Variants in SNTG2 observed in about 807,000 individuals in gnomAD.
SNTG2 encodes gamma-2-syntrophin.
In SNTG2, 74 loss-of-function variants were observed where a neutral mutation model predicts 70.9. That is an observed-to-expected ratio of 1.04 (90% confidence interval 0.86 to 1.27). The LOEUF (loss-of-function observed/expected upper bound fraction) is 1.27, where lower values mean the gene tolerates loss of function less well. Ranked by LOEUF, SNTG2 falls within the 50% of genes most tolerant of loss-of-function variation. The pLI, the probability that SNTG2 is intolerant of heterozygous loss-of-function variation, is 0.00. For synonymous variants in SNTG2, 278 were observed against 273.8 expected, an observed-to-expected ratio of 1.02 and a Z score of -0.15; for missense variants, 717 against 690.7, an observed-to-expected ratio of 1.04 and a Z score of -0.43.
chr2:1,269,838 G>C (rs914609860), intron 14 of SNTG2, among the ~76,000 whole-genome samples: 6 of 152,150 alleles, frequency 3.9e-5, no homozygotes, highest in Non-Finnish European at 7.3e-5. Context: ...GAGGCAATGA[G>C]GGTGTTAACA....
rs1357036669 is a variant in SNTG2 at position 1,317,133 on chromosome 2, G to T, written c.1488+758G>T. The stretch of plus-strand genomic sequence containing the variant: ...GAGAAGGTTGGGATTCTGGAGCATT[G>T]AGCATCAGGCCAGCATTGGAGAAGG... On this transcript the variant is annotated intron_variant, in intron 16 of 16. Coordinates refer to ENST00000308624, the MANE Select transcript of SNTG2 (RefSeq NM_018968.4). 4.3e-3 allele frequency among the ~76,000 whole-genome samples: 225 copies of T among 52,674 alleles called. 1 individual carries two copies. The highest frequency in any genetic ancestry group is 9.5e-3 in the South Asian group (12 of 1,258). 34.6% of individuals were successfully genotyped at this position (52,674 alleles called of 152,430 possible).
intron 7 of SNTG2, among the ~76,000 whole-genome samples, chr2:1,171,273 C>T (rs765152979): frequency 1.3e-5 from 2 of 152,144 alleles, no homozygotes; most frequent in Non-Finnish European, 2.9e-5. Context: ...AGAGTGGAAG[C>T]GTGACTGTCA....
chr2:1,044,180 G>T (rs1474585137), intron 1 of SNTG2, among the ~76,000 whole-genome samples: 1 of 151,706 alleles, frequency 6.6e-6, no homozygotes, highest in Non-Finnish European at 1.5e-5. Flanking sequence ...TTGTTTTTGT[G>T]GCTGTTGTGA....
chr2:1,311,494 G>A (rs924766257), intron 15 of SNTG2, among the ~76,000 whole-genome samples: 2 of 152,328 alleles, frequency 1.3e-5, no homozygotes, highest in East Asian at 1.9e-4. Flanking sequence ...CCAATGGGTT[G>A]TAAATTCATA....
intron 14 of SNTG2, among the ~76,000 whole-genome samples, chr2:1,296,684 A>T (rs1267192609): frequency 2.0e-5 from 3 of 152,188 alleles, no homozygotes; most frequent in Non-Finnish European, 4.4e-5. Context: ...CCCTGGAATG[A>T]CAGTCCCTGA....
chr2:1,065,308 G>A (rs759283938), intron 1 of SNTG2, among the ~76,000 whole-genome samples: 6 of 152,028 alleles, frequency 3.9e-5, no homozygotes, highest in Non-Finnish European at 5.9e-5. Context: ...TGTTCTAGGT[G>A]GGTGACCATA....
chr2:1,220,750 G>C (rs1218533579), intron 9 of SNTG2, among the ~76,000 whole-genome samples: 1 of 152,214 alleles, frequency 6.6e-6, no homozygotes, highest in Admixed American at 6.5e-5. Context: ...AAGGGCAGGG[G>C]CCACGTGTTT....
chr2:1,340,392 G>A (rs1660026017), intron 16 of SNTG2, among the ~76,000 whole-genome samples: 1 of 152,168 alleles, frequency 6.6e-6, no homozygotes, highest in African/African-American at 2.4e-5. Flanking sequence ...GGATAGAAAG[G>A]GCAAACATTT....
intron 1 of SNTG2, among the ~76,000 whole-genome samples, chr2:997,825 A>G (rs947631430): frequency 1.3e-5 from 2 of 152,192 alleles, no homozygotes; most frequent in African/African-American, 4.8e-5. Flanking sequence ...CCCTTCTGCT[A>G]CCACCACAAC....
At chr2:978,461 A>T (rs929508444) in intron 1 of SNTG2, among the ~76,000 whole-genome samples, 2 of 152,202 alleles carry the variant, frequency 1.3e-5, no homozygotes, top group African/African-American at 4.8e-5. Context: ...ACATATCTCA[A>T]AAATTAAATA....
At chr2:1,172,341 C>T (rs1221381907) in intron 7 of SNTG2, among the ~76,000 whole-genome samples, 1 of 152,206 alleles carries the variant, frequency 6.6e-6, no homozygotes, top group Non-Finnish European at 1.5e-5. Flanking sequence ...GTTCACAGAT[C>T]TGTCTTTACG....
At chr2:1,152,347 G>A (rs1669553837) in intron 6 of SNTG2, among the ~76,000 whole-genome samples, 1 of 152,238 alleles carries the variant, frequency 6.6e-6, no homozygotes. Flanking sequence ...GGGTACACAT[G>A]TGTATACATG....
At chr2:1,053,045 T>G (rs1194174267) in intron 1 of SNTG2, among the ~76,000 whole-genome samples, 1 of 152,216 alleles carries the variant, frequency 6.6e-6, no homozygotes, top group Non-Finnish European at 1.5e-5. Flanking sequence ...TTGCCACATA[T>G]GTGAAAATAA....
At chr2:1,264,841 G>C (rs936302549) in intron 13 of SNTG2, among the ~76,000 whole-genome samples, 1 of 152,196 alleles carries the variant, frequency 6.6e-6, no homozygotes, top group Non-Finnish European at 1.5e-5. Context: ...GATTACAGGT[G>C]TAAGCCACTG....
intron 14 of SNTG2, among the ~76,000 whole-genome samples, chr2:1,292,848 C>T (rs1380788678): frequency 1.3e-5 from 2 of 152,202 alleles, no homozygotes; most frequent in African/African-American, 4.8e-5. Flanking sequence ...ATCAAGGTAA[C>T]ACTGACCTCA....
intron 4 of SNTG2, among the ~76,000 whole-genome samples, chr2:1,128,386 A>C (rs6724335): frequency 0.12 from 18,227 of 152,202 alleles, 1,142 homozygotes; most frequent in Admixed American, 0.15. Flanking sequence ...TGAATACATA[A>C]AAAAATTTGA....
intron 1 of SNTG2, among the ~76,000 whole-genome samples, chr2:1,071,479 T>C (rs1214877500): frequency 7.5e-5 from 9 of 120,044 alleles, no homozygotes; most frequent in African/African-American, 2.6e-4. Context: ...GGAAGGGGAA[T>C]ATCACACTCT....
chr2:1,292,623 C>T (rs1236363427), intron 14 of SNTG2, among the ~76,000 whole-genome samples: 1 of 151,976 alleles, frequency 6.6e-6, no homozygotes, highest in Non-Finnish European at 1.5e-5. Context: ...TTTTTCCTTC[C>T]TTTTGTTCAC....
chr2:973,634 T>C (rs1306779675), intron 1 of SNTG2, among the ~76,000 whole-genome samples: 1 of 152,118 alleles, frequency 6.6e-6, no homozygotes, highest in East Asian at 1.9e-4. Flanking sequence ...CTTTTTCTCC[T>C]CTCTTTCTAG....
Sources: allele counts gnomAD v4.1 joint callset (sites outside exome capture counted in the v4.1 genomes callset), GRCh38; gene constraint gnomAD v4.1.1; transcripts MANE v1.5; gene names NCBI Gene and HGNC (gene_info 2026-07-23, HGNC 2026-07-21).